MPP7: variants seen among roughly 807,000 people sequenced by gnomAD.
MPP7 encodes the protein MAGUK p55 scaffold protein 7, also known as MAGUK p55 subfamily member 7.
In MPP7, 60 loss-of-function variants were observed where a neutral mutation model predicts 76.5. The observed-to-expected ratio is 0.78, with a 90% CI of 0.64 to 0.97. The LOEUF (loss-of-function observed/expected upper bound fraction) is 0.97. MPP7 is among the 50% of genes least tolerant of loss of function. The pLI is 0.00. For missense variants in MPP7, 641 were observed against 694.0 expected (o/e 0.92, Z 0.86); for synonymous variants, 237 against 244.5 (o/e 0.97, Z 0.29).
intron 1 of MPP7, among the ~76,000 whole-genome samples, chr10:28,298,705 G>A (rs919291352): frequency 1.3e-5 from 2 of 152,216 alleles, no homozygotes; most frequent in African/African-American, 4.8e-5. Context: ...CTTCCTTCTA[G>A]CTAAGAAAGT....
intron 3 of MPP7, among the ~76,000 whole-genome samples, chr10:28,158,022 A>G (rs1301296413): frequency 5.9e-5 from 9 of 152,160 alleles, no homozygotes; most frequent in Non-Finnish European, 1.0e-4. Context: ...TCATAACCCA[A>G]TGCCTCACAT....
chr10:28,144,949 A>G (rs1413214828), intron 5 of MPP7, among the ~76,000 whole-genome samples: 2 of 152,220 alleles, frequency 1.3e-5, no homozygotes, highest in African/African-American at 2.4e-5. Flanking sequence ...TGCTGGTGAC[A>G]TTTATAAACT....
chr10:28,115,272 T>C (rs573310749), intron 11 of MPP7, among the ~76,000 whole-genome samples: 1 of 152,018 alleles, frequency 6.6e-6, no homozygotes, highest in South Asian at 2.1e-4. Context: ...CTGGCTAATT[T>C]TTTTGTATTT....
At chr10:28,084,474 G>A (rs780989172) in intron 12 of MPP7, among the ~76,000 whole-genome samples, 3 of 152,268 alleles carry the variant, frequency 2.0e-5, no homozygotes, top group Middle Eastern at 3.4e-3. Context: ...AGAAATGCAG[G>A]CTCTCTGACC....
chr10:28,228,119 G>A (rs1588953571), intron 2 of MPP7, among the ~76,000 whole-genome samples: 2 of 152,232 alleles, frequency 1.3e-5, no homozygotes, highest in Middle Eastern at 6.8e-3. Context: ...TGGGGGAACT[G>A]TTGGAGGAAA....
chr10:28,239,676 T>C (rs1273054778), intron 1 of MPP7, among the ~76,000 whole-genome samples: 3 of 152,224 alleles, frequency 2.0e-5, no homozygotes, highest in African/African-American at 7.2e-5. Context: ...ATATTAACTT[T>C]TTTTTCAATA....
chr10:28,096,037 A>C (rs1299949153), intron 11 of MPP7, among the ~76,000 whole-genome samples: 3 of 152,346 alleles, frequency 2.0e-5, no homozygotes, highest in East Asian at 3.9e-4. Context: ...TTTCCAGTAG[A>C]AAATTTATGA....
At chr10:28,093,037 T>C (rs1051743017) in intron 11 of MPP7, among the ~76,000 whole-genome samples, 2 of 152,112 alleles carry the variant, frequency 1.3e-5, no homozygotes, top group Non-Finnish European at 2.9e-5. Flanking sequence ...CTGTCACGGA[T>C]GTGTGCTGGC....
In MPP7 at chr10:28,151,903, A is replaced by G. The variant is rs180810005; in HGVS notation, c.157-1844T>C. On this transcript the variant is annotated intron_variant, in intron 3 of 16. Transcript: ENST00000683449. The stretch of plus-strand genomic sequence containing the variant: ...AATGAATATGGCCAGTTTGTAGGGC[A>G]TAGAAAGGAAGGCTGGAAAGATATA... Among the ~76,000 whole-genome samples the G allele has an allele frequency of 1.0e-3, 158 of 152,280 alleles. 1 individual carries two copies. The highest frequency in any genetic ancestry group is 3.4e-3 in the Middle Eastern group (1 of 294).
intron 11 of MPP7, among the ~76,000 whole-genome samples, chr10:28,093,591 C>T (rs560658809): frequency 1.7e-4 from 26 of 152,034 alleles, no homozygotes; most frequent in Middle Eastern, 3.4e-3. Flanking sequence ...GGACTACAGA[C>T]GCCTGCCACC....
At chr10:28,184,372 A>C (rs1286998137) in intron 3 of MPP7, among the ~76,000 whole-genome samples, 1 of 148,298 alleles carries the variant, frequency 6.7e-6, no homozygotes, top group African/African-American at 2.5e-5. Flanking sequence ...ATTATGATAT[A>C]TATCACAAGA....
In MPP7 at chr10:28,051,068, A is replaced by T. The variant is rs1423244496; in HGVS notation, c.*2997T>A. ...ACATCACTTCATATCACAGTAGAAA[A>T]TATAATTTGTTCTACCATGGGAAAT... is the stretch of plus-strand genomic sequence containing the variant. On this transcript the variant is annotated 3_prime_UTR_variant, in exon 17 of 17. Coordinates refer to ENST00000683449, the MANE Select transcript of MPP7 (RefSeq NM_001318170.2). 6.6e-6 allele frequency: 1 copy of T among 152,234 alleles called. No homozygotes were observed. The highest frequency in any genetic ancestry group is 1.5e-5 in the Non-Finnish European group (1 of 68,038). 9.4% of individuals were successfully genotyped at this position (152,234 alleles called of 1,614,324 possible). A position where few individuals can be genotyped will look rare whatever the true frequency, so the allele number is the denominator to read the frequency against.
chr10:28,327,001 C>T (rs936802028), intron 2 of MPP7, among the ~76,000 whole-genome samples: 6 of 152,140 alleles, frequency 3.9e-5, no homozygotes, highest in Non-Finnish European at 5.9e-5. Context: ...ATGGTGAGGA[C>T]GGAGATGCCA....
intron 2 of MPP7, among the ~76,000 whole-genome samples, chr10:28,204,896 G>A (rs953438493): frequency 3.3e-5 from 5 of 152,226 alleles, no homozygotes; most frequent in African/African-American, 9.6e-5. Flanking sequence ...ATAAAACCAC[G>A]CTAGTCTTTT....
chr10:28,144,320 C>T lies in MPP7; in HGVS notation c.315+3163G>A, dbSNP rs140677379. Among the ~76,000 whole-genome samples the T allele has an allele frequency of 5.1e-3, 771 of 152,108 alleles. 4 individuals carry two copies. Among genetic ancestry groups the T allele is most frequent in the Middle Eastern group, 0.014 (4 of 294 alleles). On this transcript the variant is annotated intron_variant, in intron 5 of 16. Transcript: ENST00000683449. ...TTCAGATCCTTTCAATGGCTTTCCA[C>T]TTTTTTATAAGCTCACGATTTCAGG...
At chr10:28,102,969 A>C (rs1198073009) in intron 11 of MPP7, among the ~76,000 whole-genome samples, 1 of 152,214 alleles carries the variant, frequency 6.6e-6, no homozygotes, top group Non-Finnish European at 1.5e-5. Flanking sequence ...TAAGAGCCAA[A>C]GTTCCTCCTC....
intron 1 of MPP7, among the ~76,000 whole-genome samples, chr10:28,258,605 C>T (rs987069931): frequency 2.0e-5 from 3 of 151,630 alleles, no homozygotes; most frequent in East Asian, 1.9e-4. Flanking sequence ...TCACCATGTT[C>T]ACCAGGCTGG....
At chr10:28,232,573 T>C (rs539309293) in intron 2 of MPP7, among the ~76,000 whole-genome samples, 21 of 152,216 alleles carry the variant, frequency 1.4e-4, no homozygotes, top group Non-Finnish European at 2.1e-4. Flanking sequence ...ATAATACGTG[T>C]TATATGTAGC....
At chr10:28,201,697 G>A (rs1266153101) in intron 3 of MPP7, among the ~76,000 whole-genome samples, 1 of 152,100 alleles carries the variant, frequency 6.6e-6, no homozygotes, top group African/African-American at 2.4e-5. Flanking sequence ...ATGGAGTTCT[G>A]CCAATAAAAG....
Sources: allele counts gnomAD v4.1 joint callset (sites outside exome capture counted in the v4.1 genomes callset), GRCh38; gene constraint gnomAD v4.1.1; transcripts MANE v1.5; gene names NCBI Gene and HGNC (gene_info 2026-07-23, HGNC 2026-07-21).